TEAD1: variants seen among roughly 807,000 people sequenced by gnomAD.
The protein encoded by TEAD1 is transcriptional enhancer factor TEF-1.
Under a neutral mutation model 54.9 loss-of-function variants are expected in TEAD1, and 9 were observed. That is an observed-to-expected ratio of 0.16 (90% CI 0.10 to 0.29). The LOEUF (loss-of-function observed/expected upper bound fraction) is 0.29, where lower values mean the gene tolerates loss of function less well. TEAD1 is among the 10% of genes least tolerant of loss of function. The pLI is 1.00. For missense variants in TEAD1, 387 were observed against 535.9 expected, an observed-to-expected ratio of 0.72 and a Z score of 2.74; for synonymous variants, 200 against 187.8, an observed-to-expected ratio of 1.07 and a Z score of -0.53.
intron 2 of TEAD1, among the ~76,000 whole-genome samples, chr11:12,742,718 A>G (rs1298607497): frequency 1.3e-5 from 2 of 152,238 alleles, no homozygotes. Flanking sequence ...TTTATCATTC[A>G]AAAATAAAAC....
At chr11:12,822,791 C>T (rs1946579205) in intron 3 of TEAD1, 2 of 152,176 alleles carry the variant, frequency 1.3e-5, no homozygotes. Flanking sequence ...AATTAGCATC[C>T]ATATTAGTAA....
At chr11:12,798,366 G>A (rs1945980757) in intron 3 of TEAD1, among the ~76,000 whole-genome samples, 1 of 152,100 alleles carries the variant, frequency 6.6e-6, no homozygotes, top group South Asian at 2.1e-4. Flanking sequence ...TTCATAAACT[G>A]TTTTGATTTC....
intron 3 of TEAD1, among the ~76,000 whole-genome samples, chr11:12,830,217 G>A (rs147132979): frequency 6.6e-6 from 1 of 152,252 alleles, no homozygotes; most frequent in East Asian, 1.9e-4. Flanking sequence ...ATCTTGGGGA[G>A]TGGGCAAGAC....
chr11:12,890,971 G>A (rs61878798), intron 9 of TEAD1, among the ~76,000 whole-genome samples: 1,625 of 152,068 alleles, frequency 0.011, 16 homozygotes, highest in Non-Finnish European at 0.017. Flanking sequence ...TGTCATGTTG[G>A]CCAGGCTGGT....
rs143474999 is a variant in TEAD1 at position 12,868,582 on chromosome 11, A to C, written c.330+3682A>C. Among the ~76,000 whole-genome samples, 1,056 of 152,306 alleles carry C rather than the reference A, an allele frequency of 6.9e-3. 15 individuals are homozygous for C. The highest frequency in any genetic ancestry group is 0.024 in the African/African-American group (999 of 41,584). ...TTCTAAAGGTCAGCTTTATGCTTCTACTAATTGGCAGTTGTTCTCAATGTG... is the reference window on the plus strand; with the variant it reads ...TTCTAAAGGTCAGCTTTATGCTTCTCCTAATTGGCAGTTGTTCTCAATGTG... On this transcript the variant is annotated intron_variant, in intron 5 of 12. Transcript: ENST00000527636.
At chr11:12,811,117 C>G (rs750298997) in intron 3 of TEAD1, among the ~76,000 whole-genome samples, 19 of 152,176 alleles carry the variant, frequency 1.2e-4, no homozygotes, top group Non-Finnish European at 2.5e-4. Flanking sequence ...ATGTCCACGG[C>G]GATTGATTGA....
At chr11:12,765,734 G>A (rs1298081248) in intron 3 of TEAD1, among the ~76,000 whole-genome samples, 1 of 152,154 alleles carries the variant, frequency 6.6e-6, no homozygotes, top group Non-Finnish European at 1.5e-5. Flanking sequence ...AGGGGAGAAG[G>A]AGACCCAGGC....
chr11:12,724,863 G>C (rs1051582210), intron 2 of TEAD1, among the ~76,000 whole-genome samples: 1 of 152,170 alleles, frequency 6.6e-6, no homozygotes, highest in African/African-American at 2.4e-5. Flanking sequence ...CACCTGCCAG[G>C]CCAGGTGCCT....
intron 2 of TEAD1, among the ~76,000 whole-genome samples, chr11:12,699,089 A>G (rs768737296): frequency 4.6e-5 from 7 of 152,190 alleles, no homozygotes; most frequent in African/African-American, 1.7e-4. Flanking sequence ...TACGTCTCCA[A>G]TTTGTTTGGA....
At position 12,939,924 on chromosome 11, in the gene TEAD1, T is replaced by C. The variant is rs1306623390; in HGVS notation, c.*2702T>C. 6.6e-6 allele frequency: 1 copy of C among 152,154 alleles called. No homozygotes were observed. Among genetic ancestry groups the C allele is most frequent in the Non-Finnish European group, 1.5e-5 (1 of 68,026 alleles). 9.4% of individuals were successfully genotyped at this position (152,154 alleles called of 1,614,324 possible). ...TTTTGTCCTTCATTCTGTATGGCAG[T>C]CTCCCTTTGTTATAAAAGCTTTCTA... On this transcript the variant is annotated 3_prime_UTR_variant, in exon 13 of 13. Transcript: ENST00000527636.
intron 3 of TEAD1, among the ~76,000 whole-genome samples, chr11:12,835,566 C>T (rs150755339): frequency 1.4e-4 from 21 of 151,804 alleles, no homozygotes; most frequent in East Asian, 9.7e-4. Flanking sequence ...GTGATCCGCC[C>T]GCCTTGGCCT....
At chr11:12,712,351 T>C (rs1027087103) in intron 2 of TEAD1, among the ~76,000 whole-genome samples, 4 of 152,198 alleles carry the variant, frequency 2.6e-5, no homozygotes, top group African/African-American at 9.6e-5. Flanking sequence ...TGCCTCTTCC[T>C]GTGAGAACCA....
chr11:12,774,998 G>A (rs1945389660), intron 3 of TEAD1, among the ~76,000 whole-genome samples: 1 of 151,974 alleles, frequency 6.6e-6, no homozygotes. Context: ...TAACAAACCT[G>A]CACATGTACC....
At chr11:12,730,410 TTGAG>T (rs1275208681) in intron 2 of TEAD1, among the ~76,000 whole-genome samples, 4 of 141,716 alleles carry the variant, frequency 2.8e-5, no homozygotes, top group Non-Finnish European at 6.0e-5. Context: ...TGATTCCCAG[TTGAG>T]TGTTTTTTTT....
At chr11:12,844,647 C>T (rs1299524955) in intron 3 of TEAD1, among the ~76,000 whole-genome samples, 1 of 151,994 alleles carries the variant, frequency 6.6e-6, no homozygotes. Flanking sequence ...CAGATCAACC[C>T]CAATATTTTT....
At chr11:12,698,573 C>G (rs969998838) in intron 2 of TEAD1, among the ~76,000 whole-genome samples, 1 of 151,552 alleles carries the variant, frequency 6.6e-6, no homozygotes, top group Admixed American at 6.6e-5. Context: ...ATCTTAATCA[C>G]TCATGGTGAA....
intron 2 of TEAD1, among the ~76,000 whole-genome samples, chr11:12,707,174 T>C (rs1343402234): frequency 1.4e-5 from 2 of 147,562 alleles, no homozygotes; most frequent in Non-Finnish European, 3.0e-5. Context: ...TGTTTACTTG[T>C]GGTGCTATAC....
chr11:12,887,673 T>G (rs929825258), intron 9 of TEAD1, among the ~76,000 whole-genome samples: 3 of 152,260 alleles, frequency 2.0e-5, no homozygotes. Flanking sequence ...ATAGTTTCTT[T>G]GGCTCTTAGA....
intron 3 of TEAD1, among the ~76,000 whole-genome samples, chr11:12,793,447 G>GT (rs891926139): frequency 4.6e-5 from 7 of 152,168 alleles, no homozygotes; most frequent in African/African-American, 1.7e-4. Flanking sequence ...ATATCTTATA[G>GT]TTTTTTTGAT....
Sources: allele counts gnomAD v4.1 joint callset (sites outside exome capture counted in the v4.1 genomes callset), GRCh38; gene constraint gnomAD v4.1.1; transcripts MANE v1.5; gene names NCBI Gene and HGNC (gene_info 2026-07-23, HGNC 2026-07-21).